The following KHDRBS2 variants were observed in gnomAD, a reference collection of about 807,000 sequenced individuals.
KHDRBS2 encodes KH RNA binding domain containing, signal transduction associated 2, also known as KH domain-containing, RNA-binding, signal transduction-associated protein 2.
A neutral mutation model predicts 44.3 loss-of-function variants in KHDRBS2; 26 were observed. The observed-to-expected ratio is 0.59, with a 90% CI of 0.43 to 0.81. The LOEUF (loss-of-function observed/expected upper bound fraction) is 0.81. Ranked by LOEUF, KHDRBS2 falls within the 40% of genes least tolerant of loss-of-function variation. The pLI is 0.00. For missense variants in KHDRBS2, 476 were observed against 433.1 expected (o/e 1.10, Z -0.88); for synonymous variants, 194 against 151.1 (o/e 1.28, Z -2.08).
the KHDRBS2 span, among the ~76,000 whole-genome samples, chr6:61,554,073 A>G: frequency 6.6e-6 from 1 of 152,098 alleles, no homozygotes; most frequent in Non-Finnish European, 1.5e-5. Flanking sequence ...TTCTGCCTCA[A>G]TGATCGTCTT....
At chr6:62,198,469 T>A (rs886184177) in intron 1 of KHDRBS2, among the ~76,000 whole-genome samples, 1 of 152,136 alleles carries the variant, frequency 6.6e-6, no homozygotes, top group Middle Eastern at 3.4e-3. Context: ...TCTACGCAAA[T>A]AAACTAGAAA....
At position 62,169,207 on chromosome 6, in the gene KHDRBS2, A is replaced by ATG. The variant is rs1404793433; in HGVS notation, c.219+7977_219+7978insCA. ...TATATACGTATACATATATGTATAT[A>ATG]TATGTATATATACACACACACATAT... On this transcript the variant is annotated intron_variant, in intron 2 of 8. Coordinates refer to ENST00000281156, the MANE Select transcript of KHDRBS2 (RefSeq NM_152688.4). Among the ~76,000 whole-genome samples the ATG allele has an allele frequency of 1.7e-4, 25 of 147,624 alleles. 1 individual carries two copies. Among genetic ancestry groups the ATG allele is most frequent in the African/African-American group, 3.2e-4 (13 of 40,354 alleles).
chr6:61,742,039 A>C (rs2127564359), intron 6 of KHDRBS2, among the ~76,000 whole-genome samples: 1 of 152,126 alleles, frequency 6.6e-6, no homozygotes. Flanking sequence ...AAGTGAAAAG[A>C]GCAATAATAA....
At chr6:61,583,968 A>C in the KHDRBS2 span, among the ~76,000 whole-genome samples, 2 of 151,554 alleles carry the variant, frequency 1.3e-5, no homozygotes, top group Non-Finnish European at 3.0e-5. Flanking sequence ...TAATGTTTTG[A>C]ATGCTATTGT....
At chr6:62,154,679 A>G (rs1815979846) in intron 2 of KHDRBS2, among the ~76,000 whole-genome samples, 1 of 152,208 alleles carries the variant, frequency 6.6e-6, no homozygotes. Context: ...AAATCAAGGG[A>G]GCAAAAATGA....
At chr6:62,060,902 G>T (rs1791667139) in intron 2 of KHDRBS2, among the ~76,000 whole-genome samples, 2 of 151,808 alleles carry the variant, frequency 1.3e-5, no homozygotes, top group South Asian at 2.1e-4. Flanking sequence ...AAATAACATG[G>T]TCTATGTTAA....
At chr6:61,763,862 G>A (rs1397545331) in intron 6 of KHDRBS2, among the ~76,000 whole-genome samples, 3 of 151,982 alleles carry the variant, frequency 2.0e-5, no homozygotes, top group Non-Finnish European at 2.9e-5. Flanking sequence ...TGTGCAGGAC[G>A]TGCAGGTTTG....
chr6:62,170,826 A>C (rs528920141), intron 2 of KHDRBS2, among the ~76,000 whole-genome samples: 1 of 152,188 alleles, frequency 6.6e-6, no homozygotes, highest in African/African-American at 2.4e-5. Context: ...ACTCAAGGTA[A>C]GAGCATGTAG....
intron 6 of KHDRBS2, among the ~76,000 whole-genome samples, chr6:61,801,017 C>T (rs1786170368): frequency 1.3e-5 from 2 of 152,124 alleles, no homozygotes; most frequent in Admixed American, 6.6e-5. Context: ...CAAATACATG[C>T]CTGCATTTGC....
chr6:61,659,996 A>T, the KHDRBS2 span, among the ~76,000 whole-genome samples: 1 of 151,830 alleles, frequency 6.6e-6, no homozygotes, highest in Non-Finnish European at 1.5e-5. Context: ...CAAGCTTCCA[A>T]TAAGGTTATT....
Position 61,731,073 on chromosome 6 carries a change from T to C in KHDRBS2, c.893+1609A>G, listed in dbSNP as rs527874074. Among the ~76,000 whole-genome samples the C allele has an allele frequency of 3.9e-5, 6 of 152,228 alleles. No homozygotes were observed. In the East Asian group the frequency reaches 1.2e-3, roughly 29 times the overall value. On this transcript the variant is annotated intron_variant, in intron 7 of 8. Coordinates refer to ENST00000281156, the MANE Select transcript of KHDRBS2 (RefSeq NM_152688.4). ...TTCTAATTGTGTTTGTCGAGTGTAG[T>C]AACTACACTTTCTATCAAGGGTTTC...
the KHDRBS2 span, among the ~76,000 whole-genome samples, chr6:61,550,262 T>G: frequency 7.0e-4 from 107 of 152,286 alleles, no homozygotes; most frequent in African/African-American, 2.5e-3. Flanking sequence ...GTGTACTCAA[T>G]GTTCAGTTCC....
At chr6:62,235,660 T>C (rs1331729554) in intron 1 of KHDRBS2, among the ~76,000 whole-genome samples, 1 of 152,054 alleles carries the variant, frequency 6.6e-6, no homozygotes, top group African/African-American at 2.4e-5. Flanking sequence ...GTGACACTTA[T>C]TTAAAAGATG....
At chr6:61,721,634 C>G (rs1198591314) in intron 7 of KHDRBS2, among the ~76,000 whole-genome samples, 1 of 124,642 alleles carries the variant, frequency 8.0e-6, no homozygotes, top group African/African-American at 2.7e-5. Flanking sequence ...GATTTTGTAT[C>G]CTGAGACTTT....
the KHDRBS2 span, among the ~76,000 whole-genome samples, chr6:61,601,586 A>G: frequency 2.0e-5 from 3 of 152,162 alleles, no homozygotes; most frequent in East Asian, 1.9e-4. Context: ...TATTTTACAC[A>G]TCGGTACCTC....
intron 1 of KHDRBS2, among the ~76,000 whole-genome samples, chr6:62,186,980 A>G (rs1363626772): frequency 6.6e-6 from 1 of 152,130 alleles, no homozygotes; most frequent in Non-Finnish European, 1.5e-5. Context: ...ACAAAAAAAA[A>G]TTCAGGACAC....
chr6:61,967,145 C>T (rs1213850240), intron 4 of KHDRBS2, among the ~76,000 whole-genome samples: 1 of 141,356 alleles, frequency 7.1e-6, no homozygotes, highest in African/African-American at 2.6e-5. Context: ...CATGAAATTA[C>T]AATTGTGTGC....
At chr6:62,150,177 T>C (rs529153064) in intron 2 of KHDRBS2, among the ~76,000 whole-genome samples, 2 of 152,254 alleles carry the variant, frequency 1.3e-5, no homozygotes, top group East Asian at 1.9e-4. Flanking sequence ...GGTTCATCCA[T>C]TGCCACATCC....
At chr6:62,172,100 G>A (rs759702181) in intron 2 of KHDRBS2, among the ~76,000 whole-genome samples, 8 of 152,008 alleles carry the variant, frequency 5.3e-5, no homozygotes, top group Non-Finnish European at 8.8e-5. Context: ...ATATAAATGG[G>A]TGAAATGCCC....
Sources: allele counts gnomAD v4.1 joint callset (sites outside exome capture counted in the v4.1 genomes callset), GRCh38; gene constraint gnomAD v4.1.1; transcripts MANE v1.5; gene names NCBI Gene and HGNC (gene_info 2026-07-23, HGNC 2026-07-21).